Variants in SIPA1L1 observed in about 807,000 individuals in gnomAD.
The protein encoded by SIPA1L1 is signal induced proliferation associated 1 like 1.
A neutral mutation model predicts 162.7 loss-of-function variants in SIPA1L1; 26 were observed. The observed-to-expected ratio is 0.16, with a 90% confidence interval of 0.12 to 0.22. The LOEUF is 0.22. Ranked by LOEUF, SIPA1L1 falls within the 10% of genes least tolerant of loss-of-function variation. The pLI, the probability that SIPA1L1 is intolerant of heterozygous loss-of-function variation, is 1.00. For missense variants in SIPA1L1, 1,874 were observed against 2,241.0 expected, an observed-to-expected ratio of 0.84 and a Z score of 3.31; for synonymous variants, 829 against 837.4, an observed-to-expected ratio of 0.99 and a Z score of 0.17.
At chr14:71,577,566 G>T (rs1345796215) in intron 4 of SIPA1L1, among the ~76,000 whole-genome samples, 1 of 151,630 alleles carries the variant, frequency 6.6e-6, no homozygotes, top group Non-Finnish European at 1.5e-5. Context: ...TTTAGTAGAG[G>T]TGGGGTTTCA....
At chr14:71,486,570 A>G (rs2048774327) in intron 2 of SIPA1L1, among the ~76,000 whole-genome samples, 2 of 152,232 alleles carry the variant, frequency 1.3e-5, no homozygotes, top group Non-Finnish European at 2.9e-5. Flanking sequence ...TCTATCGCTA[A>G]AGAAGGGGAG....
At chr14:71,341,507 C>T (rs767731012) in intron 2 of SIPA1L1, among the ~76,000 whole-genome samples, 7 of 152,106 alleles carry the variant, frequency 4.6e-5, no homozygotes, top group Non-Finnish European at 1.0e-4. Context: ...TTTTTCTCCC[C>T]AACTTTTGTT....
rs117496414 is a variant in SIPA1L1, at chr14:71,370,448, T to A, written c.-465+49267T>A. ...TGTGGTTTTTGTCTTTGGCTCTTAT[T>A]TTTGTGGTATTCTTGTTTCACTATT... On this transcript the variant is annotated intron_variant, in intron 2 of 23. Coordinates refer to ENST00000381232, the MANE Select transcript of SIPA1L1 (RefSeq NM_001386936.1). Among the ~76,000 whole-genome samples the A allele has an allele frequency of 4.7e-3, 721 of 152,238 alleles. 16 individuals carry two copies. In the East Asian group the frequency reaches 0.059, roughly 12 times the overall value.
rs960904070 is a variant in SIPA1L1 at position 71,619,300 on chromosome 14, G to A, written c.1629+413G>A. Among the ~76,000 whole-genome samples the A allele has an allele frequency of 2.6e-5, 4 of 152,092 alleles. No individual in the cohort carries two copies. In the South Asian group the frequency reaches 8.3e-4, roughly 32 times the overall value. On this transcript the variant is annotated intron_variant, in intron 6 of 23. Transcript: ENST00000381232. The stretch of plus-strand genomic sequence containing the variant: ...TAATTCACTCTTCCAAGCTCTTGCT[G>A]AGCTCATGTCTTCGCCCAAGAAGAA...
chr14:71,596,001 T>C (rs138777643), intron 5 of SIPA1L1, among the ~76,000 whole-genome samples: 24 of 152,318 alleles, frequency 1.6e-4, no homozygotes, highest in Non-Finnish European at 3.4e-4. Flanking sequence ...CAGATAGTCC[T>C]TTATTCAATC....
intron 2 of SIPA1L1, among the ~76,000 whole-genome samples, chr14:71,408,589 C>A (rs2042186786): frequency 6.6e-6 from 1 of 152,166 alleles, no homozygotes; most frequent in South Asian, 2.1e-4. Flanking sequence ...TCTTGCAGTG[C>A]CAAGCAGAGC....
chr14:71,545,501 C>T (rs928875694), intron 4 of SIPA1L1, among the ~76,000 whole-genome samples: 2 of 152,050 alleles, frequency 1.3e-5, no homozygotes, highest in African/African-American at 4.8e-5. Flanking sequence ...CTTGCTAGTA[C>T]TCAGACATAA....
intron 7 of SIPA1L1, among the ~76,000 whole-genome samples, chr14:71,630,252 G>A (rs974166580): frequency 1.3e-5 from 2 of 152,198 alleles, no homozygotes; most frequent in Non-Finnish European, 2.9e-5. Context: ...CTAGTCAGGG[G>A]AAGAAATCAG....
rs191133978 is a variant in SIPA1L1 at position 71,432,094 on chromosome 14, G to A, written c.-464-80649G>A. On this transcript the variant is annotated intron_variant, in intron 2 of 23. Transcript: ENST00000381232. ...TCTTTTTCTTTTTTTTAATTTTTGA[G>A]AAAGGATCTTGTCTCTGTAGCCCAG... Among the ~76,000 whole-genome samples the A allele has an allele frequency of 7.3e-3, 1,103 of 152,054 alleles. 12 individuals are homozygous for A. Among genetic ancestry groups the A allele is most frequent in the Non-Finnish European group, 9.1e-3 (618 of 67,964 alleles).
chr14:71,500,591 C>T (rs1299521308), intron 2 of SIPA1L1, among the ~76,000 whole-genome samples: 1 of 152,200 alleles, frequency 6.6e-6, no homozygotes, highest in African/African-American at 2.4e-5. Context: ...AGCAGTTCCA[C>T]TACCAGGTGT....
chr14:71,636,935 C>T (rs916331426), intron 7 of SIPA1L1, among the ~76,000 whole-genome samples: 2 of 151,594 alleles, frequency 1.3e-5, no homozygotes, highest in Admixed American at 6.6e-5. Context: ...CCTGTAATCT[C>T]AGCTACTCAA....
chr14:71,722,797 G>A (rs1222427122), intron 17 of SIPA1L1, among the ~76,000 whole-genome samples: 3 of 152,136 alleles, frequency 2.0e-5, no homozygotes, highest in African/African-American at 7.2e-5. Context: ...GTGCAGTGGC[G>A]TGATCTTGGC....
At chr14:71,660,410 A>G (rs903223728) in intron 9 of SIPA1L1, among the ~76,000 whole-genome samples, 2 of 152,128 alleles carry the variant, frequency 1.3e-5, no homozygotes, top group Admixed American at 6.6e-5. Context: ...ACCCTAATCT[A>G]AAAGGCTATT....
intron 5 of SIPA1L1, among the ~76,000 whole-genome samples, chr14:71,605,008 G>T (rs2037320014): frequency 6.6e-6 from 1 of 151,970 alleles, no homozygotes; most frequent in African/African-American, 2.4e-5. Context: ...CACCTTCTGG[G>T]ACTCTGAAAA....
At chr14:71,648,305 T>C (rs1352806172) in intron 7 of SIPA1L1, among the ~76,000 whole-genome samples, 1 of 152,000 alleles carries the variant, frequency 6.6e-6, no homozygotes, top group East Asian at 1.9e-4. Flanking sequence ...CAAAAATATA[T>C]ATATATATCC....
chr14:71,570,299 G>C (rs533537874), intron 4 of SIPA1L1, among the ~76,000 whole-genome samples: 1 of 150,500 alleles, frequency 6.6e-6, no homozygotes, highest in African/African-American at 2.5e-5. Flanking sequence ...TTGAGATGAG[G>C]TCTCACTCTG....
chr14:71,518,224 T>C (rs1595873469), intron 3 of SIPA1L1, among the ~76,000 whole-genome samples: 2 of 151,598 alleles, frequency 1.3e-5, no homozygotes, highest in Non-Finnish European at 2.9e-5. Context: ...GCGGAGGTTG[T>C]AGTGAGCCAA....
chr14:71,498,005 G>A (rs1251709955), intron 2 of SIPA1L1: 1 of 152,158 alleles, frequency 6.6e-6, no homozygotes, highest in Non-Finnish European at 1.5e-5. Flanking sequence ...ACATGGTATT[G>A]CCAGCATTTT....
rs940182179 is a variant in SIPA1L1 at position 71,517,361 on chromosome 14, A to G, written c.-362+4516A>G. Among the ~76,000 whole-genome samples, 9 of 152,126 alleles carry G rather than the reference A, an allele frequency of 5.9e-5. 1 individual carries two copies. Among genetic ancestry groups the G allele is most frequent in the Admixed American group, 5.9e-4 (9 of 15,268 alleles). Reference sequence around the variant, plus strand: ...TATTTCGGCATAGGTACTGAGGGACATTGTCCCCTTGAGTTTTTTCACTTG... The same window carrying G: ...TATTTCGGCATAGGTACTGAGGGACGTTGTCCCCTTGAGTTTTTTCACTTG... On this transcript the variant is annotated intron_variant, in intron 3 of 23. Transcript: ENST00000381232.
Sources: gnomAD v4.1 joint callset for allele counts (sites outside exome capture counted in the v4.1 genomes callset) on GRCh38, gnomAD v4.1.1 for gene constraint, MANE v1.5 for transcripts, NCBI Gene and HGNC (gene_info 2026-07-23, HGNC 2026-07-21) for gene names.